Variants in USP10 observed in about 807,000 individuals in gnomAD.
USP10 encodes the protein ubiquitin specific peptidase 10.
USP10 carries 22 observed loss-of-function variants against 84.5 expected under a neutral mutation model. That is an observed-to-expected ratio of 0.26 (90% CI 0.19 to 0.37). The LOEUF (loss-of-function observed/expected upper bound fraction) is 0.37, where lower values mean the gene tolerates loss of function less well. Ranked by LOEUF, USP10 falls within the 10% of genes least tolerant of loss-of-function variation. USP10 has a pLI of 1.00. For missense variants in USP10, 1,019 were observed against 998.9 expected, an observed-to-expected ratio of 1.02 and a Z score of -0.27; for synonymous variants, 454 against 387.6, an observed-to-expected ratio of 1.17 and a Z score of -2.01.
In USP10 at chr16:84,779,381, A is replaced by T; in HGVS notation, c.*299A>T. The T allele has an allele frequency of 4.3e-6, 1 of 232,198 alleles. No individual in the cohort carries two copies. Among genetic ancestry groups the T allele is most frequent in the South Asian group, 1.1e-4 (1 of 9,318 alleles). The allele number at this position is 232,198 out of a possible 1,614,324, so 14.4% of individuals were successfully genotyped here. On this transcript the variant is annotated 3_prime_UTR_variant, in exon 14 of 14. Coordinates refer to ENST00000219473, the MANE Select transcript of USP10 (RefSeq NM_005153.3). ...AGATAAGAAAGTGGATTTGATCCCC[A>T]GTCTCATTGCTTAGTAGAATAAATC...
intron 1 of USP10, among the ~76,000 whole-genome samples, chr16:84,724,857 C>G (rs1837338156): frequency 6.6e-6 from 1 of 152,198 alleles, no homozygotes; most frequent in Non-Finnish European, 1.5e-5. Flanking sequence ...ATAGTGTCAT[C>G]TCCAGATGTC....
chr16:84,725,586 G>T (rs1908354853), intron 1 of USP10, among the ~76,000 whole-genome samples: 1 of 151,876 alleles, frequency 6.6e-6, no homozygotes, highest in African/African-American at 2.4e-5. Flanking sequence ...TGTGTTTTTA[G>T]TAGAGACAGG....
At chr16:84,706,935 G>A (rs1410580037) in intron 1 of USP10, among the ~76,000 whole-genome samples, 1 of 152,132 alleles carries the variant, frequency 6.6e-6, no homozygotes, top group Non-Finnish European at 1.5e-5. Flanking sequence ...GAGATACTAA[G>A]CATTGTAGTA....
intron 3 of USP10, among the ~76,000 whole-genome samples, chr16:84,740,786 C>G (rs892802278): frequency 6.6e-6 from 1 of 152,260 alleles, no homozygotes; most frequent in Non-Finnish European, 1.5e-5. Flanking sequence ...GTTGTTCTTG[C>G]AGTTCACATT....
chr16:84,714,769 G>T (rs1906782470), intron 1 of USP10, among the ~76,000 whole-genome samples: 3 of 151,612 alleles, frequency 2.0e-5, no homozygotes, highest in African/African-American at 4.8e-5. Flanking sequence ...ATTATTTTTG[G>T]GGTGAAGGGA....
At position 84,773,187 on chromosome 16, in the gene USP10, G is replaced by A. The variant is rs187215468; in HGVS notation, c.2143+502G>A. Among the ~76,000 whole-genome samples the A allele has an allele frequency of 3.6e-3, 543 of 152,308 alleles. 2 individuals carry two copies. The highest frequency in any genetic ancestry group is 9.0e-3 in the African/African-American group (375 of 41,558). The stretch of plus-strand genomic sequence containing the variant: ...GGCACTTTTTGAAAGCAATTTTAAA[G>A]AGCCCCAGGTTAAAGGCATCTTGCT... On this transcript the variant is annotated intron_variant, in intron 12 of 13. Transcript: ENST00000219473.
intron 10 of USP10, 31 bp downstream of exon 10, chr16:84,764,294 T>G (rs747294542): frequency 6.2e-7 from 1 of 1,613,836 alleles, no homozygotes; most frequent in Non-Finnish European, 8.5e-7. Context: ...ACTTAATATT[T>G]GCCTTTTCTA....
intron 1 of USP10, chr16:84,732,328 C>T: frequency 3.0e-6 from 1 of 338,522 alleles, no homozygotes; most frequent in Non-Finnish European, 5.7e-6. Flanking sequence ...ATTTTTATAC[C>T]CAGTACTGAT....
intron 4 of USP10, among the ~76,000 whole-genome samples, chr16:84,747,441 T>C (rs1433542706): frequency 6.6e-6 from 1 of 152,068 alleles, no homozygotes; most frequent in East Asian, 1.9e-4. Flanking sequence ...TTATTCCTTA[T>C]ACAAAATACA....
chr16:84,757,142 C>T lies in USP10; in HGVS notation c.1193-1574C>T, dbSNP rs371031725. On this transcript the variant is annotated intron_variant, in intron 4 of 13. Transcript: ENST00000219473. ...GTGTCCCTCACATGACAGGTGCTAT[C>T]TCTGCTGGGTGTCATCACATGCAGG... 1.1e-4 allele frequency among the ~76,000 whole-genome samples: 17 copies of T among 152,278 alleles called. 1 individual carries two copies. Among genetic ancestry groups the T allele is most frequent in the East Asian group, 7.7e-4 (4 of 5,184 alleles).
At chr16:84,756,688 A>G (rs1912586059) in intron 4 of USP10, among the ~76,000 whole-genome samples, 1 of 152,224 alleles carries the variant, frequency 6.6e-6, no homozygotes, top group South Asian at 2.1e-4. Flanking sequence ...ATACTATGGC[A>G]AAGCCTTGTT....
chr16:84,724,224 A>G (rs888240084), intron 1 of USP10, among the ~76,000 whole-genome samples: 1 of 152,230 alleles, frequency 6.6e-6, no homozygotes, highest in Non-Finnish European at 1.5e-5. Flanking sequence ...TAATATAGAC[A>G]CAGGACTGGA....
At chr16:84,758,679 T>A in intron 4 of USP10, 37 bp from the exon 5 acceptor site, 1 of 1,392,128 alleles carries the variant, frequency 7.2e-7, no homozygotes, top group Middle Eastern at 1.8e-4. Flanking sequence ...TCACTAGATG[T>A]CATCAATTTC....
chr16:84,702,993 C>CAAAAAAA (rs1157728872), intron 1 of USP10, among the ~76,000 whole-genome samples: 6,096 of 51,864 alleles, frequency 0.12, 840 homozygotes, highest in Non-Finnish European at 0.16. Context: ...ACTCCCGTCT[C>CAAAAAAA]AAAAAAAAAA....
At chr16:84,761,030 A>T (rs1541697) in intron 8 of USP10, among the ~76,000 whole-genome samples, 1 of 152,116 alleles carries the variant, frequency 6.6e-6, no homozygotes, top group Non-Finnish European at 1.5e-5. Context: ...CACCAGGGGT[A>T]GCATAGGGTC....
At chr16:84,701,421 A>G (rs965108421) in intron 1 of USP10, among the ~76,000 whole-genome samples, 2 of 152,344 alleles carry the variant, frequency 1.3e-5, no homozygotes, top group East Asian at 1.9e-4. Context: ...TTACAAATGT[A>G]TAGCCCAAAG....
intron 1 of USP10, among the ~76,000 whole-genome samples, chr16:84,732,112 C>G (rs1303394079): frequency 6.6e-6 from 1 of 152,186 alleles, no homozygotes; most frequent in African/African-American, 2.4e-5. Flanking sequence ...TCAAAGAGCT[C>G]TCCAGAAACG....
rs551400093 is a variant in USP10 at position 84,727,331 on chromosome 16, T to C, written c.22-6104T>C. Among the ~76,000 whole-genome samples the C allele has an allele frequency of 9.2e-5, 14 of 151,972 alleles. No individual in the cohort carries two copies. The East Asian group carries it at 2.7e-3, about 29-fold the overall frequency. ...TATTTTACCCAAACACCTACAATTT[T>C]CCCCCCTCATGTGACAGCCTTTGAA... On this transcript the variant is annotated intron_variant, in intron 1 of 13. Transcript: ENST00000219473.
intron 10 of USP10, among the ~76,000 whole-genome samples, chr16:84,764,673 A>G (rs955601863): frequency 6.6e-6 from 1 of 152,148 alleles, no homozygotes; most frequent in African/African-American, 2.4e-5. Context: ...TCTACTAAAA[A>G]TACAAAAATC....
Sources: gnomAD v4.1 joint callset for allele counts (sites outside exome capture counted in the v4.1 genomes callset) on GRCh38, gnomAD v4.1.1 for gene constraint, MANE v1.5 for transcripts, NCBI Gene and HGNC (gene_info 2026-07-23, HGNC 2026-07-21) for gene names.